Variants in VEPH1 observed in about 807,000 individuals in gnomAD.
VEPH1 encodes the protein ventricular zone-expressed PH domain-containing protein homolog 1.
In VEPH1, 80 loss-of-function variants were observed where a neutral mutation model predicts 85.2. That is an observed-to-expected ratio of 0.94 (90% confidence interval 0.78 to 1.13). VEPH1 has a LOEUF of 1.13. Among genes scored for constraint, VEPH1 ranks in the 50% most tolerant of loss-of-function variants. The pLI is 0.00. For missense variants in VEPH1, 955 were observed against 980.5 expected (o/e 0.97, Z 0.35); for synonymous variants, 297 against 348.0 (o/e 0.85, Z 1.63).
chr3:157,361,332 T>A (rs1726028325), intron 9 of VEPH1, among the ~76,000 whole-genome samples: 1 of 152,228 alleles, frequency 6.6e-6, no homozygotes. Context: ...TAAATAATAT[T>A]ATAATGTTAT....
At chr3:157,392,613 A>T (rs1219128179) in intron 6 of VEPH1, among the ~76,000 whole-genome samples, 1 of 94,400 alleles carries the variant, frequency 1.1e-5, no homozygotes, top group East Asian at 3.6e-4. Flanking sequence ...ATAATAGCTG[A>T]TGATCTAAAA....
chr3:157,461,362 G>A (rs1324583754), intron 3 of VEPH1, among the ~76,000 whole-genome samples: 7 of 150,820 alleles, frequency 4.6e-5, no homozygotes, highest in Non-Finnish European at 1.0e-4. Context: ...ACTAACTGTA[G>A]AAAAAAAAAC....
At chr3:157,347,797 T>C (rs1724397703) in intron 9 of VEPH1, among the ~76,000 whole-genome samples, 1 of 152,184 alleles carries the variant, frequency 6.6e-6, no homozygotes, top group South Asian at 2.1e-4. Context: ...TACTGGAGAA[T>C]CCTACAGTCC....
intron 12 of VEPH1, among the ~76,000 whole-genome samples, chr3:157,280,750 A>G (rs1205528595): frequency 6.6e-6 from 1 of 152,240 alleles, no homozygotes; most frequent in Non-Finnish European, 1.5e-5. Context: ...ATTTTGAGAA[A>G]GAGTTAGATT....
chr3:157,494,993 G>A (rs531578457), intron 2 of VEPH1, among the ~76,000 whole-genome samples: 1 of 152,258 alleles, frequency 6.6e-6, no homozygotes, highest in Non-Finnish European at 1.5e-5. Context: ...TCTGGTCTTT[G>A]TGAGTGGGCA....
intron 5 of VEPH1, among the ~76,000 whole-genome samples, chr3:157,419,749 T>C (rs13095865): frequency 0.12 from 18,414 of 152,168 alleles, 1,299 homozygotes; most frequent in South Asian, 0.27. Context: ...TCAACCATTT[T>C]GGAAGATAGT....
At chr3:157,273,039 T>C (rs1246282430) in intron 12 of VEPH1, among the ~76,000 whole-genome samples, 1 of 152,156 alleles carries the variant, frequency 6.6e-6, no homozygotes, top group Non-Finnish European at 1.5e-5. Context: ...GGGAAAACCA[T>C]GGGTCTAAAG....
chr3:157,437,864 C>G lies in VEPH1; in HGVS notation c.530-9376G>C, dbSNP rs761210095. On this transcript the variant is annotated intron_variant, in intron 4 of 13. Coordinates refer to ENST00000362010, the MANE Select transcript of VEPH1 (RefSeq NM_001167912.2). The stretch of plus-strand genomic sequence containing the variant: ...CTAGAGGAGCTGCGGCAGACGCGAG[C>G]CGACCTGCACGCGGTGCAGGGCTGG... 3.0e-5 allele frequency: 45 copies of G among 1,500,730 alleles called. No homozygotes were observed. The highest frequency in any genetic ancestry group is 4.4e-5 in the Admixed American group (2 of 45,264). The allele number at this position is 1,500,730 out of a possible 1,614,324, so 93.0% of individuals were successfully genotyped here.
chr3:157,458,840 A>T (rs1735588919), intron 4 of VEPH1, among the ~76,000 whole-genome samples: 1 of 152,186 alleles, frequency 6.6e-6, no homozygotes, highest in African/African-American at 2.4e-5. Context: ...CTGCATATAG[A>T]TACCCAGTTA....
chr3:157,393,426 CA>C (rs1317719387), intron 6 of VEPH1, among the ~76,000 whole-genome samples: 5 of 152,062 alleles, frequency 3.3e-5, no homozygotes, highest in African/African-American at 1.2e-4. Context: ...GAGTAGGTGA[CA>C]AAACAATGCT....
At chr3:157,309,077 T>TTTG (rs199680377) in intron 11 of VEPH1, among the ~76,000 whole-genome samples, 1 of 151,962 alleles carries the variant, frequency 6.6e-6, no homozygotes, top group African/African-American at 2.4e-5. Context: ...TTGTGTTCTA[T>TTTG]TTGTTGTTGT....
intron 9 of VEPH1, among the ~76,000 whole-genome samples, chr3:157,357,525 C>T (rs1725577122): frequency 6.6e-6 from 1 of 150,800 alleles, no homozygotes; most frequent in Non-Finnish European, 1.5e-5. Flanking sequence ...TAGAGTCTTG[C>T]TCTGTTGCCC....
chr3:157,283,112 T>C (rs1286721350), intron 12 of VEPH1, among the ~76,000 whole-genome samples: 1 of 152,238 alleles, frequency 6.6e-6, no homozygotes, highest in Non-Finnish European at 1.5e-5. Flanking sequence ...AGTAGATCAC[T>C]TCTAAAAAAT....
intron 9 of VEPH1, among the ~76,000 whole-genome samples, chr3:157,341,749 G>GA (rs1241462229): frequency 1.3e-5 from 2 of 151,972 alleles, no homozygotes; most frequent in Admixed American, 6.6e-5. Flanking sequence ...TGAAATGAAG[G>GA]AAAAAATGTT....
At chr3:157,434,890 ATTAAT>A (rs941734736) in intron 4 of VEPH1, among the ~76,000 whole-genome samples, 1 of 152,170 alleles carries the variant, frequency 6.6e-6, no homozygotes, top group Non-Finnish European at 1.5e-5. Flanking sequence ...AGCAAAATTA[ATTAAT>A]TTCTTTTTCG....
chr3:157,414,106 A>G lies in VEPH1; in HGVS notation c.697-16T>C. 1.3e-6 allele frequency: 2 copies of G among 1,555,130 alleles called. No individual in the cohort carries two copies. Among genetic ancestry groups the G allele is most frequent in the Admixed American group, 1.7e-5 (1 of 57,842 alleles). On this transcript the variant is annotated splice_polypyrimidine_tract_variant and intron_variant, in intron 5 of 13. Transcript: ENST00000362010. ...TCTGAACTACCTATAAAGAGAGAGG[A>G]GAGGAGGAGGGAAGAAAGAAGGAAG...
intron 6 of VEPH1, chr3:157,409,621 C>A: frequency 1.0e-6 from 1 of 985,016 alleles, no homozygotes; most frequent in Non-Finnish European, 1.2e-6. Flanking sequence ...TCTTCTCTGC[C>A]GAATGTAATA....
At chr3:157,468,889 A>G (rs4679796) in intron 3 of VEPH1, among the ~76,000 whole-genome samples, 54,653 of 151,696 alleles carry the variant, frequency 0.36, 10,144 homozygotes, top group East Asian at 0.49. Flanking sequence ...TCCCCCACTC[A>G]CCCTGGGACG....
intron 6 of VEPH1, among the ~76,000 whole-genome samples, chr3:157,403,211 G>A (rs1730897634): frequency 6.6e-6 from 1 of 151,844 alleles, no homozygotes; most frequent in Non-Finnish European, 1.5e-5. Flanking sequence ...AGGGAGTTCT[G>A]GGAATGCTTT....
Sources: gnomAD v4.1 joint callset for allele counts (sites outside exome capture counted in the v4.1 genomes callset) on GRCh38, gnomAD v4.1.1 for gene constraint, MANE v1.5 for transcripts, NCBI Gene and HGNC (gene_info 2026-07-23, HGNC 2026-07-21) for gene names.